The following CDC14B variants were observed in gnomAD, a reference collection of about 807,000 sequenced individuals.
The protein encoded by CDC14B is dual specificity protein phosphatase CDC14B.
A neutral mutation model predicts 64.2 loss-of-function variants in CDC14B; 22 were observed. The ratio of observed to expected loss-of-function variants is 0.34; its 90% CI spans 0.24 to 0.49. CDC14B has a LOEUF of 0.49. CDC14B is among the 20% of genes least tolerant of loss of function. CDC14B has a pLI of 0.99. For missense variants in CDC14B, 498 were observed against 629.9 expected (o/e 0.79, Z 2.24); for synonymous variants, 191 against 215.8 (o/e 0.89, Z 1.01).
At chr9:96,572,851 T>G (rs73542924) in intron 1 of CDC14B, among the ~76,000 whole-genome samples, 9 of 152,222 alleles carry the variant, frequency 5.9e-5, no homozygotes, top group African/African-American at 1.9e-4. Flanking sequence ...GGAAGCATCC[T>G]TATAAAATAA....
chr9:96,523,376 T>A lies in CDC14B; in HGVS notation c.1130A>T (p.Lys377Met). ...TTGTCCATTCTCCTGCCCCTTTAAC[T>A]TCTGACGAAAATAGTCCCCTTCCAG... Reference protein sequence around the residue: ...LWLEGDYFRQKLKGQENGQHR... With the variant: ...LWLEGDYFRQMLKGQENGQHR... The change falls in exon 11 of 14, where the codon AAG (lysine) becomes ATG (methionine). Residue 377 changes from lysine to methionine, a missense_variant. Lys to Met is a moderately conservative substitution (Grantham distance 95). Coordinates refer to ENST00000375241, the MANE Select transcript of CDC14B (RefSeq NM_033331.4). The A allele has an allele frequency of 1.2e-6, 2 of 1,614,208 alleles. No individual in the cohort carries two copies. Among genetic ancestry groups the A allele is most frequent in the African/African-American group, 2.7e-5 (2 of 75,038 alleles).
chr9:96,611,045 A>AATG (rs1027631919), intron 1 of CDC14B, among the ~76,000 whole-genome samples: 2 of 151,994 alleles, frequency 1.3e-5, no homozygotes, highest in African/African-American at 4.8e-5. Flanking sequence ...CAAAGTAGTC[A>AATG]ATGATCTGAA....
intron 1 of CDC14B, among the ~76,000 whole-genome samples, chr9:96,576,754 C>T (rs183252996): frequency 9.8e-4 from 148 of 151,388 alleles, no homozygotes; most frequent in Non-Finnish European, 1.7e-3. Flanking sequence ...CATCCATAAT[C>T]ATAGAAGACT....
At chr9:96,605,276 A>G (rs34505868) in intron 1 of CDC14B, among the ~76,000 whole-genome samples, 3,184 of 152,220 alleles carry the variant, frequency 0.021, 54 homozygotes, top group Non-Finnish European at 0.034. Context: ...CCAATTTCCA[A>G]TTGTACCACT....
intron 3 of CDC14B, 47 bp from the exon 4 acceptor site, chr9:96,562,832 T>C (rs1452469046): frequency 8.4e-7 from 1 of 1,193,154 alleles, no homozygotes; most frequent in Non-Finnish European, 1.2e-6. Flanking sequence ...TAATTTCAAG[T>C]CTTCCACAAT....
chr9:96,514,160 GT>G (rs1427621958), intron 12 of CDC14B, among the ~76,000 whole-genome samples: 3 of 152,174 alleles, frequency 2.0e-5, no homozygotes, highest in African/African-American at 7.2e-5. Context: ...AGAAGGTATA[GT>G]TTACATGGAA....
At chr9:96,494,791 C>T (rs1320849262) in intron 13 of CDC14B, among the ~76,000 whole-genome samples, 8 of 120,492 alleles carry the variant, frequency 6.6e-5, no homozygotes, top group African/African-American at 1.3e-4. Flanking sequence ...CGTCCCCTCC[C>T]GTCCTGTCCA....
intron 1 of CDC14B, among the ~76,000 whole-genome samples, chr9:96,569,196 A>C (rs1448204850): frequency 6.6e-6 from 1 of 152,232 alleles, no homozygotes; most frequent in East Asian, 1.9e-4. Context: ...TAAAAAGTCA[A>C]CTTGCAGGCT....
intron 5 of CDC14B, among the ~76,000 whole-genome samples, chr9:96,546,436 A>ATT (rs111518660): frequency 2.2e-5 from 3 of 138,178 alleles, no homozygotes; most frequent in East Asian, 2.1e-4. Flanking sequence ...GAGACAGAGA[A>ATT]TTTTTTTTTT....
At chr9:96,617,931 G>A (rs949712445) in intron 1 of CDC14B, among the ~76,000 whole-genome samples, 1 of 152,290 alleles carries the variant, frequency 6.6e-6, no homozygotes, top group South Asian at 2.1e-4. Context: ...CTCCTGGGAA[G>A]GGCACAACGT....
intron 1 of CDC14B, among the ~76,000 whole-genome samples, chr9:96,577,897 T>C (rs1237578442): frequency 6.6e-6 from 1 of 152,192 alleles, no homozygotes; most frequent in African/African-American, 2.4e-5. Context: ...GGAACTTACT[T>C]ACAATGGAAT....
chr9:96,505,273 C>T (rs1212524671), intron 13 of CDC14B, among the ~76,000 whole-genome samples: 1 of 151,992 alleles, frequency 6.6e-6, no homozygotes, highest in Non-Finnish European at 1.5e-5. Flanking sequence ...CAAAGCACTC[C>T]AGAGCCCCGG....
intron 5 of CDC14B, among the ~76,000 whole-genome samples, chr9:96,544,306 C>T (rs1295437899): frequency 1.3e-5 from 2 of 152,118 alleles, no homozygotes; most frequent in East Asian, 3.9e-4. Context: ...AATGAATATT[C>T]CACAAATGTT....
chr9:96,524,394 T>C (rs947419894), intron 9 of CDC14B, among the ~76,000 whole-genome samples: 1 of 152,242 alleles, frequency 6.6e-6, no homozygotes, highest in African/African-American at 2.4e-5. Context: ...CTGGGCATTT[T>C]AGAAAAACGG....
intron 1 of CDC14B, among the ~76,000 whole-genome samples, chr9:96,578,439 A>G (rs151233926): frequency 6.6e-6 from 1 of 152,296 alleles, no homozygotes; most frequent in East Asian, 1.9e-4. Context: ...CTTAGCAAAC[A>G]CTATTTTAAC....
At chr9:96,497,629 G>A (rs1004067995), downstream of CDC14B, among the ~76,000 whole-genome samples, 1 of 152,212 alleles carries the variant, frequency 6.6e-6, no homozygotes, top group Non-Finnish European at 1.5e-5. Context: ...GGAGAGGAGC[G>A]GGCAGCGGCG....
intron 7 of CDC14B, among the ~76,000 whole-genome samples, chr9:96,534,862 T>A (rs1839056396): frequency 6.6e-6 from 1 of 152,316 alleles, no homozygotes; most frequent in Admixed American, 6.5e-5. Flanking sequence ...TAGTTGCTGC[T>A]AATTAATAAG....
chr9:96,501,136 A>G lies in CDC14B; in HGVS notation c.*2617T>C, dbSNP rs1253055291. Reference sequence around the variant, plus strand: ...CTCACGAGGCGCTGCTCCTCACCAAATTCTACAAAAAGCTAAGTCCGTCTA... The same window carrying G: ...CTCACGAGGCGCTGCTCCTCACCAAGTTCTACAAAAAGCTAAGTCCGTCTA... On this transcript the variant is annotated 3_prime_UTR_variant, in exon 14 of 14. Coordinates refer to ENST00000375241, the MANE Select transcript of CDC14B (RefSeq NM_033331.4). 6.6e-6 allele frequency: 1 copy of G among 152,234 alleles called. No homozygotes were observed. The highest frequency in any genetic ancestry group is 1.5e-5 in the Non-Finnish European group (1 of 68,060). The allele number at this position is 152,234 out of a possible 1,614,324, so 9.4% of individuals were successfully genotyped here. A position where few individuals can be genotyped will look rare whatever the true frequency, so the allele number is the denominator to read the frequency against.
intron 4 of CDC14B, among the ~76,000 whole-genome samples, chr9:96,552,448 C>T (rs1219313468): frequency 2.0e-5 from 3 of 152,196 alleles, no homozygotes; most frequent in Admixed American, 2.0e-4. Context: ...CAAGTATATT[C>T]TTCAGCATTT....
Sources: gnomAD v4.1 joint callset for allele counts (sites outside exome capture counted in the v4.1 genomes callset) on GRCh38, gnomAD v4.1.1 for gene constraint, MANE v1.5 for transcripts, NCBI Gene and HGNC (gene_info 2026-07-23, HGNC 2026-07-21) for gene names.